Variants in ASIC2 observed in about 807,000 individuals in gnomAD.
The protein encoded by ASIC2 is acid-sensing ion channel 2.
Under a neutral mutation model 57.3 loss-of-function variants are expected in ASIC2, and 25 were observed. The observed-to-expected ratio is 0.44, with a 90% CI of 0.32 to 0.61. ASIC2 has a LOEUF of 0.61. Ranked by LOEUF, ASIC2 falls within the 20% of genes least tolerant of loss-of-function variation. The pLI is 0.06. For synonymous variants in ASIC2, 319 were observed against 307.5 expected (o/e 1.04, Z -0.39); for missense variants, 641 against 738.1 (o/e 0.87, Z 1.52).
Position 33,292,204 on chromosome 17 carries a change from A to G in ASIC2, c.-89T>C. Reference sequence around the variant, plus strand: ...CCGCAGCAGCAGTGGAAGCAGCAGCAGCGGCAGCCGCGCGCAGCCCGCGCC... The same window carrying G: ...CCGCAGCAGCAGTGGAAGCAGCAGCGGCGGCAGCCGCGCGCAGCCCGCGCC... On this transcript the variant is annotated 5_prime_UTR_variant, in exon 1 of 10. Transcript: ENST00000225823. The G allele has an allele frequency of 1.0e-6, 1 of 1,004,280 alleles. No individual in the cohort carries two copies. Among genetic ancestry groups the G allele is most frequent in the Non-Finnish European group, 1.2e-6 (1 of 844,528 alleles). The allele number at this position is 1,004,280 out of a possible 1,614,324, so 62.2% of individuals were successfully genotyped here.
chr17:33,678,095 G>A (rs1479749594), intron 1 of ASIC2, among the ~76,000 whole-genome samples: 2 of 152,146 alleles, frequency 1.3e-5, no homozygotes, highest in African/African-American at 4.8e-5. Context: ...TGATCAGTCA[G>A]TAGCCATCAG....
At chr17:33,488,030 A>G (rs943083386) in intron 1 of ASIC2, among the ~76,000 whole-genome samples, 4 of 152,180 alleles carry the variant, frequency 2.6e-5, no homozygotes, top group African/African-American at 7.2e-5. Context: ...ACTCCCTTTC[A>G]TATATACATA....
At chr17:34,108,773 GTTAT>G (rs1275767843) in intron 1 of ASIC2, among the ~76,000 whole-genome samples, 2 of 151,880 alleles carry the variant, frequency 1.3e-5, no homozygotes, top group African/African-American at 4.8e-5. Context: ...TTTTAGTTCT[GTTAT>G]TTTTTTCTTC....
At chr17:33,464,482 C>CTTTCTTTCTTTCTTTCTTT (rs1394086840) in intron 1 of ASIC2, among the ~76,000 whole-genome samples, 5 of 63,598 alleles carry the variant, frequency 7.9e-5, no homozygotes, top group African/African-American at 3.5e-4. Context: ...TTTCTTTTCT[C>CTTTCTTTCTTTCTTTCTTT]TCTTTCTTTC....
At chr17:33,203,187 C>A (rs1247062663) in intron 1 of ASIC2, among the ~76,000 whole-genome samples, 2 of 152,332 alleles carry the variant, frequency 1.3e-5, no homozygotes, top group South Asian at 4.1e-4. Flanking sequence ...TGTTAGAATC[C>A]ATGTCTGTCT....
chr17:34,027,228 T>C (rs950092914), intron 1 of ASIC2, among the ~76,000 whole-genome samples: 2 of 152,232 alleles, frequency 1.3e-5, no homozygotes, highest in African/African-American at 4.8e-5. Flanking sequence ...ATGTATTCCT[T>C]GGAGAACTAG....
chr17:33,729,175 G>A (rs1909657137), intron 1 of ASIC2, among the ~76,000 whole-genome samples: 1 of 152,170 alleles, frequency 6.6e-6, no homozygotes, highest in Admixed American at 6.5e-5. Context: ...TCTGCTTCTA[G>A]GGAGGTCTCT....
intron 1 of ASIC2, among the ~76,000 whole-genome samples, chr17:33,541,504 T>C (rs887179069): frequency 7.2e-5 from 11 of 152,256 alleles, no homozygotes; most frequent in African/African-American, 2.6e-4. Flanking sequence ...ATTTTACCAC[T>C]GGGGCGAACG....
chr17:33,611,974 G>C (rs558850139), intron 1 of ASIC2, among the ~76,000 whole-genome samples: 1 of 152,362 alleles, frequency 6.6e-6, no homozygotes, highest in East Asian at 1.9e-4. Context: ...GCTCTAGTTA[G>C]AGTCTGAAGG....
At chr17:33,852,266 T>C (rs1293359747) in intron 1 of ASIC2, among the ~76,000 whole-genome samples, 1 of 152,224 alleles carries the variant, frequency 6.6e-6, no homozygotes, top group Admixed American at 6.5e-5. Context: ...CTTGAATCTT[T>C]TAGATATGTG....
At chr17:33,664,123 G>C (rs1025378706) in intron 1 of ASIC2, among the ~76,000 whole-genome samples, 2 of 152,108 alleles carry the variant, frequency 1.3e-5, no homozygotes, top group Non-Finnish European at 2.9e-5. Context: ...GCACACTTAC[G>C]ACGTCAGCCT....
chr17:33,829,817 C>T (rs1913050486), intron 1 of ASIC2, among the ~76,000 whole-genome samples: 1 of 152,152 alleles, frequency 6.6e-6, no homozygotes, highest in African/African-American at 2.4e-5. Flanking sequence ...CCCGCCTGGG[C>T]CTCCTAAAGT....
At chr17:34,095,670 T>TATATATATAATTTTATATATATAG (rs1567818979) in intron 1 of ASIC2, among the ~76,000 whole-genome samples, 11 of 92,798 alleles carry the variant, frequency 1.2e-4, no homozygotes, top group Non-Finnish European at 2.0e-4. Context: ...TATATATATA[T>TATATATATAATTTTATATATATAG]AGAGAGAGAG....
intron 1 of ASIC2, among the ~76,000 whole-genome samples, chr17:33,935,186 C>T (rs1046885892): frequency 6.6e-6 from 1 of 152,246 alleles, no homozygotes; most frequent in Non-Finnish European, 1.5e-5. Context: ...ATCTGGAACA[C>T]CCTGCCCTTT....
At chr17:33,550,971 T>C (rs79153904) in intron 1 of ASIC2, among the ~76,000 whole-genome samples, 348 of 152,318 alleles carry the variant, frequency 2.3e-3, no homozygotes, top group Non-Finnish European at 3.9e-3. Context: ...TGGGTGGGCT[T>C]AATGCAAAGC....
intron 1 of ASIC2, among the ~76,000 whole-genome samples, chr17:33,281,432 GC>G (rs1271289145): frequency 6.6e-6 from 1 of 152,200 alleles, no homozygotes; most frequent in Non-Finnish European, 1.5e-5. Context: ...CCTGTGCTGT[GC>G]TTTTACATAC....
chr17:33,982,398 G>A (rs955235887), intron 1 of ASIC2, among the ~76,000 whole-genome samples: 1 of 152,204 alleles, frequency 6.6e-6, no homozygotes, highest in Admixed American at 6.5e-5. Context: ...GGGTCACCTT[G>A]TAACTTATGC....
Position 34,035,892 on chromosome 17 carries a change from G to A in ASIC2, c.555+120086C>T, listed in dbSNP as rs566217819. ...AAAAAGTCAGGAAACAACAGGTGCT[G>A]GAGAGGATGTGGAGAAATAGGAACA... On this transcript the variant is annotated intron_variant, in intron 1 of 9. Coordinates refer to the ASIC2 transcript ENST00000359872. 6.4e-4 allele frequency among the ~76,000 whole-genome samples: 98 copies of A among 151,986 alleles called. 1 individual carries two copies. Among genetic ancestry groups the A allele is most frequent in the African/African-American group, 2.1e-3 (88 of 41,422 alleles).
chr17:33,598,593 GAGA>G (rs1280393505), intron 1 of ASIC2, among the ~76,000 whole-genome samples: 1 of 152,152 alleles, frequency 6.6e-6, no homozygotes, highest in Non-Finnish European at 1.5e-5. Flanking sequence ...TTTACTCAAG[GAGA>G]AGAAGCAAAT....
Sources: allele counts gnomAD v4.1 joint callset (sites outside exome capture counted in the v4.1 genomes callset), GRCh38; gene constraint gnomAD v4.1.1; transcripts MANE v1.5; gene names NCBI Gene and HGNC (gene_info 2026-07-23, HGNC 2026-07-21).